PKD2: variants seen among roughly 807,000 people sequenced by gnomAD.
PKD2 encodes the protein polycystin-2.
In PKD2, 48 loss-of-function variants were observed where a neutral mutation model predicts 105.9. The ratio of observed to expected loss-of-function variants is 0.45; its 90% confidence interval spans 0.36 to 0.58. The LOEUF is 0.58. Ranked by LOEUF, PKD2 falls within the 20% of genes least tolerant of loss-of-function variation. PKD2 has a pLI of 0.00. For synonymous variants in PKD2, 464 were observed against 481.1 expected (o/e 0.96, Z 0.46); for missense variants, 1,078 against 1,255.3 (o/e 0.86, Z 2.13).
rs529480872 is a variant in PKD2, at chr4:88,028,926, T to C, written c.710-7294T>C. Among the ~76,000 whole-genome samples, 9 of 152,372 alleles carry C rather than the reference T, an allele frequency of 5.9e-5. No homozygotes were observed. In the South Asian group the frequency reaches 1.5e-3, roughly 25 times the overall value. ...CCAATACTACCATTCTCAAAAGCAC[T>C]TGTGTCAACAGCCTTTACCCCTTAA... On this transcript the variant is annotated intron_variant, in intron 2 of 14. Transcript: ENST00000237596.
Position 88,041,116 on chromosome 4 carries a change from C to T in PKD2, c.1095-2117C>T, listed in dbSNP as rs540334605. 3.9e-5 allele frequency among the ~76,000 whole-genome samples: 6 copies of T among 152,294 alleles called. No homozygotes were observed. The South Asian group carries it at 8.3e-4, about 21-fold the overall frequency. On this transcript the variant is annotated intron_variant, in intron 4 of 14. Transcript: ENST00000237596. ...TTAATATGCCCCAAACTAAACTCATCGTTTTCTTATGAGATCTGCTCTTTG... is the reference window on the plus strand; with the variant it reads ...TTAATATGCCCCAAACTAAACTCATTGTTTTCTTATGAGATCTGCTCTTTG...
At chr4:88,010,434 T>A (rs1444463864) in intron 1 of PKD2, among the ~76,000 whole-genome samples, 1 of 152,246 alleles carries the variant, frequency 6.6e-6, no homozygotes, top group Non-Finnish European at 1.5e-5. Flanking sequence ...AGCATATCAC[T>A]GTTTTCCTAT....
chr4:88,035,366 GGAA>G (rs1166137789), intron 2 of PKD2, among the ~76,000 whole-genome samples: 2 of 152,188 alleles, frequency 1.3e-5, no homozygotes, highest in Admixed American at 6.5e-5. Flanking sequence ...TCAGTATCCT[GGAA>G]GAAGGAGATG....
At chr4:88,026,882 A>G (rs1280969617) in intron 2 of PKD2, among the ~76,000 whole-genome samples, 3 of 152,206 alleles carry the variant, frequency 2.0e-5, no homozygotes, top group Admixed American at 2.0e-4. Context: ...GAGGGTACAA[A>G]TCCCAAGCAT....
chr4:88,030,945 A>G (rs1217842331), intron 2 of PKD2, among the ~76,000 whole-genome samples: 2 of 152,234 alleles, frequency 1.3e-5, no homozygotes, highest in Admixed American at 1.3e-4. Context: ...TGATTTGGGT[A>G]TAGTGCTTTG....
rs1726250427 is a variant in PKD2, at chr4:88,008,227, C to T, written c.494C>T (p.Pro165Leu). The change falls in exon 1 of 15, where the codon CCC (proline) becomes CTC (leucine). Residue 165 changes from proline to leucine, a missense_variant. This residue lies in a region of PKD2 where 868 missense variants were observed against 1,067.3 expected (regional missense o/e 0.81). Transcript: ENST00000237596. Reference sequence around the variant, plus strand: ...CGAGAGGACCAGGGCCCGCCGTGCCCCAGCCCAGTCGGCGGCGGGGACCCG... The same window carrying T: ...CGAGAGGACCAGGGCCCGCCGTGCCTCAGCCCAGTCGGCGGCGGGGACCCG... ...RRREDQGPPC[P>L]SPVGGGDPLH... The T allele has an allele frequency of 1.4e-6, 2 of 1,438,230 alleles. No individual in the cohort carries two copies. The highest frequency in any genetic ancestry group is 9.1e-7 in the Non-Finnish European group (1 of 1,099,740). The allele number at this position is 1,438,230 out of a possible 1,614,324, so 89.1% of individuals were successfully genotyped here.
Position 88,056,167 on chromosome 4 carries a change from T to A in PKD2, c.1798T>A (p.Phe600Ile), listed in dbSNP as rs958505542. The change falls in exon 8 of 15, where the codon TTT becomes ATT. Residue 600 changes from phenylalanine (F) to isoleucine (I), a missense_variant. Around this residue, in one of 2 missense-constraint regions of PKD2, gnomAD observed 868 missense variants for 1,067.3 expected, o/e 0.81. Coordinates refer to ENST00000237596, the MANE Select transcript of PKD2 (RefSeq NM_000297.4). ...MSRCAKDLFGFAIMFFIIFLA... is the reference protein window; with the variant it reads ...MSRCAKDLFGIAIMFFIIFLA... ...TCGATGTGCCAAAGACCTGTTTGGC[T>A]TTGCTATTATGTTCTTCATTATTTT... 1 of 1,613,102 alleles carries A rather than the reference T, an allele frequency of 6.2e-7. No homozygotes were observed. The highest frequency in any genetic ancestry group is 8.5e-7 in the Non-Finnish European group (1 of 1,179,172).
intron 5 of PKD2, among the ~76,000 whole-genome samples, chr4:88,044,604 G>A (rs2110113591): frequency 6.6e-6 from 1 of 152,308 alleles, no homozygotes; most frequent in East Asian, 1.9e-4. Context: ...TATATATAAT[G>A]AGATATCTTG....
In PKD2 at chr4:88,038,558, T is replaced by C. The variant is rs1414271942; in HGVS notation, c.1094+57T>C. On this transcript the variant is annotated intron_variant, in intron 4 of 14. Transcript: ENST00000237596. The stretch of plus-strand genomic sequence containing the variant: ...ATATTCATTCATTTATTCTCTGAAC[T>C]CCCACCATTCATTCATTCATTCCCT... 3.8e-6 allele frequency: 6 copies of C among 1,559,256 alleles called. No individual in the cohort carries two copies. The East Asian group carries it at 1.1e-4, about 29-fold the overall frequency.
intron 1 of PKD2, among the ~76,000 whole-genome samples, chr4:88,009,863 G>T (rs1285529833): frequency 6.6e-6 from 1 of 152,176 alleles, no homozygotes; most frequent in Non-Finnish European, 1.5e-5. Context: ...TAAGTTGCAT[G>T]ATCCTTTTAA....
At chr4:88,065,280 G>C (rs181813714) in intron 10 of PKD2, 94 bp from the exon 11 acceptor site, 1 of 1,084,662 alleles carries the variant, frequency 9.2e-7, no homozygotes, top group Non-Finnish European at 1.4e-6. Flanking sequence ...ATGTACACCA[G>C]GTTTGTAGTA....
chr4:88,065,469 T>C lies in PKD2; in HGVS notation c.2214T>C (p.Phe738=), dbSNP rs772819278. 16 of 1,613,878 alleles carry C rather than the reference T, an allele frequency of 9.9e-6. No individual in the cohort carries two copies. The Admixed American group carries it at 1.0e-4, about 10-fold the overall frequency. ...SLRQGGGKLN[F]DELRQDLKGK... Reference sequence around the variant, plus strand: ...GGCAAGGAGGAGGCAAGTTAAACTTTGACGAACTTCGACAAGATCTCAAAG... The same window carrying C: ...GGCAAGGAGGAGGCAAGTTAAACTTCGACGAACTTCGACAAGATCTCAAAG... Residue 738 remains phenylalanine, a synonymous_variant, in exon 11 of 15, where the codon TTT becomes TTC. Coordinates refer to ENST00000237596, the MANE Select transcript of PKD2 (RefSeq NM_000297.4).
At chr4:88,009,164 C>T (rs1231550869) in intron 1 of PKD2, among the ~76,000 whole-genome samples, 2 of 152,158 alleles carry the variant, frequency 1.3e-5, no homozygotes, top group Non-Finnish European at 2.9e-5. Flanking sequence ...TTTGCCAGTG[C>T]CCAGTAAGAG....
At chr4:88,028,151 ATTTG>A (rs1000031744) in intron 2 of PKD2, among the ~76,000 whole-genome samples, 2 of 152,232 alleles carry the variant, frequency 1.3e-5, no homozygotes, top group African/African-American at 2.4e-5. Flanking sequence ...ATGTATTTCC[ATTTG>A]TTTATCTCTG....
intron 7 of PKD2, among the ~76,000 whole-genome samples, chr4:88,054,297 A>G (rs1414793218): frequency 2.0e-5 from 3 of 151,804 alleles, no homozygotes; most frequent in African/African-American, 4.8e-5. Context: ...GCTACTTGGG[A>G]ATCTGAGGCA....
At chr4:88,027,827 C>CA (rs1261469079) in intron 2 of PKD2, among the ~76,000 whole-genome samples, 1 of 224 alleles carries the variant, frequency 4.5e-3, no homozygotes, top group Non-Finnish European at 0.011. Context: ...TGGTAAGTGT[C>CA]TGGGCTTCCC....
intron 14 of PKD2, 110 bp downstream of exon 14, chr4:88,075,069 C>T (rs767868104): frequency 3.6e-5 from 43 of 1,194,596 alleles, no homozygotes; most frequent in Non-Finnish European, 4.8e-5. Flanking sequence ...AAAAAATTTA[C>T]GTTTATAGAA....
At position 88,007,669 on chromosome 4, in the gene PKD2, G is replaced by T. The variant is rs1726214258; in HGVS notation, c.-65G>T. 2 of 1,047,286 alleles carry T rather than the reference G, an allele frequency of 1.9e-6. No individual in the cohort carries two copies. Among genetic ancestry groups the T allele is most frequent in the Non-Finnish European group, 2.3e-6 (2 of 861,174 alleles). 64.9% of individuals were successfully genotyped at this position (1,047,286 alleles called of 1,614,324 possible). On this transcript the variant is annotated 5_prime_UTR_variant, in exon 1 of 15. Transcript: ENST00000237596. ...CGGGCGCCGGGAAGAAAGGAACATG[G>T]CTCCTGAGGCGCACAGCGCCGAGCG...
chr4:88,026,831 G>A (rs1443986018), intron 2 of PKD2, among the ~76,000 whole-genome samples: 3 of 152,246 alleles, frequency 2.0e-5, no homozygotes, highest in Non-Finnish European at 4.4e-5. Flanking sequence ...AGCTCCAGCT[G>A]TGGTTAAAAG....
Sources: allele counts gnomAD v4.1 joint callset (sites outside exome capture counted in the v4.1 genomes callset), GRCh38; gene constraint gnomAD v4.1.1; regional missense constraint gnomAD v4.1.1; transcripts MANE v1.5; gene names NCBI Gene and HGNC (gene_info 2026-07-23, HGNC 2026-07-21).